The following ARHGAP39 variants were observed in gnomAD, a reference collection of about 807,000 sequenced individuals.
ARHGAP39 encodes Rho GTPase activating protein 39, also known as rho GTPase-activating protein 39.
Under a neutral mutation model 106.9 loss-of-function variants are expected in ARHGAP39, and 44 were observed. The observed-to-expected ratio is 0.41, with a 90% CI of 0.32 to 0.53. The LOEUF is 0.53. Ranked by LOEUF, ARHGAP39 falls within the 20% of genes least tolerant of loss-of-function variation. The pLI is 0.21. For synonymous variants in ARHGAP39, 768 were observed against 693.2 expected (o/e 1.11, Z -1.69); for missense variants, 1,496 against 1,577.3 (o/e 0.95, Z 0.87).
rs1384766343 is a variant in ARHGAP39, at chr8:144,647,773, G to A, written c.-82+37913C>T. Among the ~76,000 whole-genome samples, 1 of 152,218 alleles carries A rather than the reference G, an allele frequency of 6.6e-6. No individual in the cohort carries two copies. Among genetic ancestry groups the A allele is most frequent in the Non-Finnish European group, 1.5e-5 (1 of 68,052 alleles). ...GAGGGCAGCTGGAAGCCATGCATGC[G>A]TCCACGGGGACCCCAAGAGAGGGAA... On this transcript the variant is annotated intron_variant, in intron 1 of 11. Transcript: ENST00000377307. The surrounding 1 kb of genome is among the most constrained non-coding windows in gnomAD (Gnocchi z 4.8).
Position 144,545,391 on chromosome 8 carries a change from G to C in ARHGAP39, c.2379C>G (p.Thr793=), listed in dbSNP as rs138829800. ...ELYIQLCRQT[T]ENFRLESLAR... ...CCAGGCTCTCCAGGCGGAAGTTCTC[G>C]GTGGTCTGCCGGCACAGCTGGATGT... is the stretch of plus-strand genomic sequence containing the variant. Residue 793 remains threonine, a synonymous_variant, in exon 6 of 12, where the codon ACC becomes ACG. Coordinates refer to ENST00000377307, the MANE Select transcript of ARHGAP39 (RefSeq NM_025251.3). The C allele has an allele frequency of 6.3e-7, 1 of 1,595,982 alleles. No homozygotes were observed. The highest frequency in any genetic ancestry group is 1.3e-5 in the African/African-American group (1 of 74,770).
the ARHGAP39 span, among the ~76,000 whole-genome samples, chr8:144,695,199 C>G: frequency 6.9e-6 from 1 of 145,482 alleles, no homozygotes; most frequent in Non-Finnish European, 1.5e-5. Context: ...CTCAGCCTCC[C>G]GAGTAGCTGG....
chr8:144,548,124 T>C lies in ARHGAP39; in HGVS notation c.962A>G (p.Gln321Arg), dbSNP rs369916239. 3.8e-6 allele frequency: 6 copies of C among 1,579,126 alleles called. No individual in the cohort carries two copies. The highest frequency in any genetic ancestry group is 1.4e-5 in the African/African-American group (1 of 73,382). ...PLYEEPPVEY[Q>R]APIYDEPPMD... ...GGGGGGCTCATCGTAGATGGGGGCC[T>C]GGTACTCCACTGGGGGCTCCTCGTA... The change falls in exon 5 of 12, where the codon CAG becomes CGG. Residue 321 changes from glutamine (Q) to arginine (R), a missense_variant. By Grantham distance (43) the Gln-to-Arg change is conservative. This residue lies in a region of ARHGAP39 where 905 missense variants were observed against 816.4 expected (regional missense o/e 1.11). Coordinates refer to ENST00000377307, the MANE Select transcript of ARHGAP39 (RefSeq NM_025251.3). The surrounding 1 kb of genome is among the most constrained non-coding windows in gnomAD (Gnocchi z 7.4).
rs1820214482 is a variant in ARHGAP39 at position 144,604,638 on chromosome 8, A to G, written c.80+897T>C. On this transcript the variant is annotated intron_variant, in intron 2 of 11. Coordinates refer to ENST00000377307, the MANE Select transcript of ARHGAP39 (RefSeq NM_025251.3). The surrounding 1 kb of genome is among the most constrained non-coding windows in gnomAD (Gnocchi z 4.1). ...GGTGACTATTACCTTAAAAATATCAATGTGACAACAGGCAGAGAAAAGCTG... is the reference window on the plus strand; with the variant it reads ...GGTGACTATTACCTTAAAAATATCAGTGTGACAACAGGCAGAGAAAAGCTG... Among the ~76,000 whole-genome samples the G allele has an allele frequency of 6.6e-6, 1 of 152,302 alleles. No homozygotes were observed. Among genetic ancestry groups the G allele is most frequent in the Non-Finnish European group, 1.5e-5 (1 of 68,036 alleles).
the ARHGAP39 span, among the ~76,000 whole-genome samples, chr8:144,692,665 G>A: frequency 2.0e-5 from 3 of 151,396 alleles, no homozygotes; most frequent in Admixed American, 6.6e-5. Context: ...GCTCCACTTG[G>A]CCCCCATAAG....
chr8:144,619,932 C>CTG (rs1586619721), intron 1 of ARHGAP39, among the ~76,000 whole-genome samples: 2 of 118,920 alleles, frequency 1.7e-5, no homozygotes, highest in Non-Finnish European at 1.8e-5. Context: ...GCGTGTGAGC[C>CTG]TGTGTCCCTG....
At chr8:144,690,579 T>C (rs1822722803), upstream of ARHGAP39, among the ~76,000 whole-genome samples, 1 of 152,218 alleles carries the variant, frequency 6.6e-6, no homozygotes, top group African/African-American at 2.4e-5. Flanking sequence ...TGAACAACTT[T>C]TCATGTACTT....
chr8:144,651,426 G>A (rs1386871356), intron 1 of ARHGAP39, among the ~76,000 whole-genome samples: 2 of 152,146 alleles, frequency 1.3e-5, no homozygotes, highest in African/African-American at 4.8e-5. Flanking sequence ...TATGCAGCCG[G>A]GCACAGTGGC....
intron 1 of ARHGAP39, among the ~76,000 whole-genome samples, chr8:144,653,199 G>A (rs1018491324): frequency 3.3e-5 from 5 of 152,298 alleles, no homozygotes; most frequent in African/African-American, 9.6e-5. Context: ...AGGAGACTGA[G>A]GCAGGAATCC....
In ARHGAP39 at chr8:144,591,570, G is replaced by A. The variant is rs114001041; in HGVS notation, c.81-10293C>T. Among the ~76,000 whole-genome samples, 547 of 152,322 alleles carry A rather than the reference G, an allele frequency of 3.6e-3. 3 individuals carry two copies. The highest frequency in any genetic ancestry group is 0.013 in the African/African-American group (528 of 41,570). Reference sequence around the variant, plus strand: ...GAACCTCCTGGCTGGTCCACAGGGAGCAGGATGAAGGCTCCGGGAGGCCAG... The same window carrying A: ...GAACCTCCTGGCTGGTCCACAGGGAACAGGATGAAGGCTCCGGGAGGCCAG... On this transcript the variant is annotated intron_variant, in intron 2 of 11. Coordinates refer to ENST00000377307, the MANE Select transcript of ARHGAP39 (RefSeq NM_025251.3). This position sits in a 1 kb window ranked among gnomAD's most constrained non-coding sequence, Gnocchi z 5.3.
At chr8:144,556,468 A>C (rs1817924384) in intron 3 of ARHGAP39, among the ~76,000 whole-genome samples, 1 of 152,234 alleles carries the variant, frequency 6.6e-6, no homozygotes, top group Non-Finnish European at 1.5e-5. Flanking sequence ...GTAGTCCAGA[A>C]GTAGAAGAAA....
intron 1 of ARHGAP39, among the ~76,000 whole-genome samples, chr8:144,633,970 A>G (rs1196892278): frequency 1.3e-5 from 2 of 152,274 alleles, no homozygotes; most frequent in African/African-American, 4.8e-5. Flanking sequence ...GCAGAGAGGA[A>G]AACAAAACTT....
chr8:144,582,503 C>T (rs1307902971), intron 2 of ARHGAP39, among the ~76,000 whole-genome samples: 1 of 152,364 alleles, frequency 6.6e-6, no homozygotes, highest in East Asian at 1.9e-4. Context: ...TGCAGATGAG[C>T]AGCTGAGAAA....
intron 1 of ARHGAP39, among the ~76,000 whole-genome samples, chr8:144,661,891 AC>A (rs1486493057): frequency 7.0e-6 from 1 of 142,606 alleles, no homozygotes. Flanking sequence ...ACCTTGGACA[AC>A]CCCCCACCCC....
intron 1 of ARHGAP39, among the ~76,000 whole-genome samples, chr8:144,608,156 CAAAAAAAAAAA>C (rs60966946): frequency 0.55 from 53,100 of 96,840 alleles, 10,617 homozygotes; most frequent in South Asian, 0.61. Flanking sequence ...GACTCTGTCT[CAAAAAAAAAAA>C]AAAAAAAAAA....
chr8:144,622,227 G>A, intron 1 of ARHGAP39, among the ~76,000 whole-genome samples: 1 of 152,100 alleles, frequency 6.6e-6, no homozygotes, highest in East Asian at 1.9e-4. Flanking sequence ...GGGGGCCTTG[G>A]GGCACCAGAG....
chr8:144,561,508 T>TCCAGTGGTTTCCATCAGACC (rs1564848512), intron 3 of ARHGAP39, among the ~76,000 whole-genome samples: 13 of 134,840 alleles, frequency 9.6e-5, no homozygotes, highest in Admixed American at 2.8e-4. Flanking sequence ...TCCATCAGAC[T>TCCAGTGGTTTCCATCAGACC]CCAGTGGTTT....
intron 3 of ARHGAP39, among the ~76,000 whole-genome samples, chr8:144,563,794 A>G (rs1469213011): frequency 6.6e-6 from 1 of 151,938 alleles, no homozygotes; most frequent in Non-Finnish European, 1.5e-5. Context: ...GTATCTAAAA[A>G]AAATAATAAT....
chr8:144,584,624 G>A (rs1819114519), intron 2 of ARHGAP39, among the ~76,000 whole-genome samples: 1 of 152,182 alleles, frequency 6.6e-6, no homozygotes, highest in African/African-American at 2.4e-5. Context: ...TTAGCCAGGT[G>A]TGGTGGCGTG....
Sources: gnomAD v4.1 joint callset for allele counts (sites outside exome capture counted in the v4.1 genomes callset) on GRCh38, gnomAD v4.1.1 for gene constraint, gnomAD v4.1.1 regional missense constraint, Gnocchi (gnomAD v3.1) non-coding constraint, MANE v1.5 for transcripts, NCBI Gene and HGNC (gene_info 2026-07-23, HGNC 2026-07-21) for gene names.